The following CLVS1 variants were observed in gnomAD, a reference collection of about 807,000 sequenced individuals.
CLVS1 encodes clavesin-1.
In CLVS1, 10 loss-of-function variants were observed where a neutral mutation model predicts 33.1. The ratio of observed to expected loss-of-function variants is 0.30; its 90% CI spans 0.19 to 0.51. The LOEUF (loss-of-function observed/expected upper bound fraction) is 0.51. Among genes scored for constraint, CLVS1 ranks in the 20% least tolerant of loss-of-function variants. CLVS1 has a pLI of 0.97. For synonymous variants in CLVS1, 163 were observed against 166.1 expected (o/e 0.98, Z 0.14); for missense variants, 343 against 433.4 (o/e 0.79, Z 1.85).
intron 2 of CLVS1, among the ~76,000 whole-genome samples, chr8:61,209,716 C>T (rs1420956873): frequency 7.3e-6 from 1 of 136,952 alleles, no homozygotes; most frequent in African/African-American, 2.8e-5. Flanking sequence ...CTTACTTTTG[C>T]ACATGGATGT....
chr8:61,144,206 C>G lies in CLVS1; in HGVS notation c.-152+12346C>G, dbSNP rs563251080. On this transcript the variant is annotated intron_variant, in intron 2 of 2. Transcript: ENST00000522621. ...CTAATGCTATCCTCCTCCTAGACCT[C>G]CAGCCCCCAACAGGCCCCGGTGTGT... is the stretch of plus-strand genomic sequence containing the variant. Among the ~76,000 whole-genome samples, 4 of 152,200 alleles carry G rather than the reference C, an allele frequency of 2.6e-5. No homozygotes were observed. In the South Asian group the frequency reaches 8.3e-4, roughly 32 times the overall value.
At chr8:61,041,711 T>C in the CLVS1 span, among the ~76,000 whole-genome samples, 2 of 152,222 alleles carry the variant, frequency 1.3e-5, no homozygotes, top group Admixed American at 6.5e-5. Flanking sequence ...TTTTGTGCAT[T>C]GATTTTGTAT....
Position 61,376,897 on chromosome 8 carries a change from C to A in CLVS1, c.630+118C>A. On this transcript the variant is annotated intron_variant, in intron 3 of 5. Transcript: ENST00000325897. ...GGAAAAAGGAAACTTGGATTAAATT[C>A]ATCTGAGTACTCCATGTTTTTGCCT... 4 of 874,330 alleles carry A rather than the reference C, an allele frequency of 4.6e-6. No homozygotes were observed. In the South Asian group the frequency reaches 6.9e-5, roughly 15 times the overall value. 54.2% of individuals were successfully genotyped at this position (874,330 alleles called of 1,614,324 possible). A position where few individuals can be genotyped will look rare whatever the true frequency, so the allele number is the denominator to read the frequency against.
chr8:61,387,028 A>G (rs2129602355), intron 3 of CLVS1, among the ~76,000 whole-genome samples: 1 of 152,342 alleles, frequency 6.6e-6, no homozygotes, highest in South Asian at 2.1e-4. Context: ...GAGAAAGTGT[A>G]CTTTGTTTGA....
intron 2 of CLVS1, among the ~76,000 whole-genome samples, chr8:61,272,901 T>G (rs2129592798): frequency 6.6e-6 from 1 of 151,348 alleles, no homozygotes; most frequent in South Asian, 2.1e-4. Flanking sequence ...TCTTCTAAAT[T>G]TTTTTCAAAG....
intron 1 of CLVS1, among the ~76,000 whole-genome samples, chr8:61,070,515 T>A (rs1313423853): frequency 6.6e-6 from 1 of 152,208 alleles, no homozygotes; most frequent in Non-Finnish European, 1.5e-5. Context: ...CTTCCACCCC[T>A]CTTCTTGCTG....
intron 2 of CLVS1, among the ~76,000 whole-genome samples, chr8:61,205,651 T>G (rs1170327869): frequency 6.6e-6 from 1 of 152,186 alleles, no homozygotes; most frequent in African/African-American, 2.4e-5. Context: ...AATCATATGG[T>G]AATTCCATGT....
chr8:61,302,538 C>A (rs1810474950), intron 2 of CLVS1, among the ~76,000 whole-genome samples: 1 of 152,182 alleles, frequency 6.6e-6, no homozygotes, highest in Admixed American at 6.5e-5. Flanking sequence ...ATATAGATGG[C>A]TCACTCCAAC....
chr8:60,988,862 T>C, the CLVS1 span, among the ~76,000 whole-genome samples: 1 of 152,224 alleles, frequency 6.6e-6, no homozygotes, highest in Non-Finnish European at 1.5e-5. Flanking sequence ...GTTTGTCTTA[T>C]AGAGGTTCAG....
At chr8:61,001,752 C>T in the CLVS1 span, among the ~76,000 whole-genome samples, 2 of 152,204 alleles carry the variant, frequency 1.3e-5, no homozygotes, top group Non-Finnish European at 1.5e-5. Flanking sequence ...TCCCAAGCTC[C>T]GGCTAAACTC....
chr8:61,440,818 G>A (rs553910041), intron 3 of CLVS1, among the ~76,000 whole-genome samples: 12 of 152,246 alleles, frequency 7.9e-5, no homozygotes, highest in South Asian at 2.1e-4. Flanking sequence ...ACAGCTTCTC[G>A]GACATCAACA....
intron 1 of CLVS1, 96 bp from the exon 2 acceptor site, chr8:61,299,581 T>G (rs1810354714): frequency 4.0e-6 from 2 of 498,312 alleles, no homozygotes; most frequent in Non-Finnish European, 3.5e-6. Flanking sequence ...ACCCACAGCC[T>G]AATATACTGT....
At chr8:61,125,587 C>A (rs1343245188) in intron 1 of CLVS1, among the ~76,000 whole-genome samples, 1 of 152,142 alleles carries the variant, frequency 6.6e-6, no homozygotes, top group Admixed American at 6.5e-5. Flanking sequence ...ACAATAGATG[C>A]AAATGGACTC....
chr8:61,039,740 A>G, the CLVS1 span, among the ~76,000 whole-genome samples: 7 of 152,092 alleles, frequency 4.6e-5, no homozygotes, highest in Admixed American at 2.0e-4. Flanking sequence ...GGGTCCCCCT[A>G]TGTTGCCCAG....
chr8:60,991,863 C>A, the CLVS1 span, among the ~76,000 whole-genome samples: 2 of 151,590 alleles, frequency 1.3e-5, no homozygotes, highest in Non-Finnish European at 2.9e-5. Context: ...TCTTTTGCCT[C>A]AGCCACCTGA....
At chr8:61,106,593 C>T (rs1169826871) in intron 1 of CLVS1, among the ~76,000 whole-genome samples, 14 of 152,182 alleles carry the variant, frequency 9.2e-5, no homozygotes, top group Non-Finnish European at 1.3e-4. Flanking sequence ...CTGGCACCTC[C>T]GCGCAGGCGG....
intron 2 of CLVS1, chr8:61,202,549 T>C (rs1807756006): frequency 1.7e-6 from 2 of 1,164,068 alleles, no homozygotes; most frequent in Middle Eastern, 2.6e-4. Flanking sequence ...GGCAATGAAT[T>C]ACGAAGGCAG....
chr8:61,459,757 AT>A (rs2129607253), intron 5 of CLVS1, among the ~76,000 whole-genome samples: 2 of 152,234 alleles, frequency 1.3e-5, no homozygotes, highest in South Asian at 4.2e-4. Context: ...AAAACATCTA[AT>A]ATTGTATAAT....
At chr8:61,163,976 T>C (rs182156760) in intron 2 of CLVS1, among the ~76,000 whole-genome samples, 6 of 152,050 alleles carry the variant, frequency 3.9e-5, no homozygotes, top group Non-Finnish European at 8.8e-5. Context: ...AAAGCTCCCA[T>C]ACAATGGGAG....
Sources: gnomAD v4.1 joint callset for allele counts (sites outside exome capture counted in the v4.1 genomes callset) on GRCh38, gnomAD v4.1.1 for gene constraint, MANE v1.5 for transcripts, NCBI Gene and HGNC (gene_info 2026-07-23, HGNC 2026-07-21) for gene names.